PDZD2: variants seen among roughly 807,000 people sequenced by gnomAD.
The protein encoded by PDZD2 is PDZ domain-containing protein 2.
PDZD2 carries 90 observed loss-of-function variants against 220.7 expected under a neutral mutation model. The ratio of observed to expected loss-of-function variants is 0.41; its 90% CI spans 0.34 to 0.49. The LOEUF (loss-of-function observed/expected upper bound fraction) is 0.49, where lower values mean the gene tolerates loss of function less well. Ranked by LOEUF, PDZD2 falls within the 20% of genes least tolerant of loss-of-function variation. The pLI, the probability that PDZD2 is intolerant of heterozygous loss-of-function variation, is 0.28. For missense variants in PDZD2, 3,174 were observed against 3,608.5 expected (o/e 0.88, Z 3.08); for synonymous variants, 1,375 against 1,450.5 (o/e 0.95, Z 1.18).
chr5:31,663,261 T>C (rs1165903160), intron 1 of PDZD2, among the ~76,000 whole-genome samples: 1 of 152,208 alleles, frequency 6.6e-6, no homozygotes, highest in African/African-American at 2.4e-5. Context: ...TTCCTCCAAC[T>C]TTAGAGATTG....
intron 2 of PDZD2, among the ~76,000 whole-genome samples, chr5:31,977,472 G>T (rs1177868932): frequency 6.6e-6 from 1 of 152,016 alleles, no homozygotes; most frequent in Non-Finnish European, 1.5e-5. Flanking sequence ...TAAACTCCAG[G>T]CAGCTTTATT....
intron 1 of PDZD2, among the ~76,000 whole-genome samples, chr5:31,664,430 A>C (rs1745899432): frequency 6.6e-6 from 1 of 151,758 alleles, no homozygotes; most frequent in Non-Finnish European, 1.5e-5. Context: ...ACTCATACAC[A>C]GACACATGCG....
At chr5:32,085,127 G>A (rs1332405321) in intron 19 of PDZD2, among the ~76,000 whole-genome samples, 1 of 151,320 alleles carries the variant, frequency 6.6e-6, no homozygotes, top group Non-Finnish European at 1.5e-5. Context: ...GTTAATTTTT[G>A]TATTTTTCGT....
At chr5:31,772,590 A>C (rs1362450645) in intron 1 of PDZD2, among the ~76,000 whole-genome samples, 1 of 150,202 alleles carries the variant, frequency 6.7e-6, no homozygotes, top group Non-Finnish European at 1.5e-5. Context: ...TGGCACCTCA[A>C]CTCCAACCAC....
rs778339961 is a variant in PDZD2 at position 32,088,973 on chromosome 5, A to G, written c.5525A>G (p.Lys1842Arg). The G allele has an allele frequency of 1.9e-6, 3 of 1,614,052 alleles. No homozygotes were observed. The highest frequency in any genetic ancestry group is 2.5e-6 in the Non-Finnish European group (3 of 1,180,022). Residue 1842 changes from lysine to arginine, a missense_variant, in exon 20 of 25, where the codon AAA becomes AGA. Physicochemically the swap from Lys to Arg is conservative, Grantham distance 26. This residue lies in a region of PDZD2 where 1,861 missense variants were observed against 2,001.0 expected (regional missense o/e 0.93). Transcript: ENST00000438447. This position sits in a 1 kb window ranked among gnomAD's most constrained non-coding sequence, Gnocchi z 4.6. ...ATTCAGATGGTGAGTTCAAGCCAAAAAAAGGGCGTTACTGTGCCTCATAGC... is the reference window on the plus strand; with the variant it reads ...ATTCAGATGGTGAGTTCAAGCCAAAGAAAGGGCGTTACTGTGCCTCATAGC... ...SKIQMVSSSQ[K>R]KGVTVPHSPP...
intron 2 of PDZD2, among the ~76,000 whole-genome samples, chr5:31,862,731 TTA>T (rs920095988): frequency 1.3e-5 from 2 of 151,980 alleles, no homozygotes; most frequent in East Asian, 1.9e-4. Context: ...CAGCTAATTT[TTA>T]TATTTTTTTT....
At chr5:31,758,677 G>C (rs1374834970) in intron 1 of PDZD2, among the ~76,000 whole-genome samples, 1 of 152,158 alleles carries the variant, frequency 6.6e-6, no homozygotes, top group East Asian at 1.9e-4. Flanking sequence ...CCCAAGATGT[G>C]TTCCTTGGAA....
intron 17 of PDZD2, 102 bp from the exon 18 acceptor site, chr5:32,073,730 T>C (rs1190945159): frequency 5.2e-6 from 4 of 767,352 alleles, no homozygotes; most frequent in Non-Finnish European, 6.6e-6. Context: ...CTGGTGTTAG[T>C]GAATGTGGAA....
At chr5:31,788,534 G>A (rs190118335) in intron 1 of PDZD2, among the ~76,000 whole-genome samples, 2,415 of 152,002 alleles carry the variant, frequency 0.016, 30 homozygotes, top group Middle Eastern at 0.034. Flanking sequence ...GTGTGGTGGC[G>A]GGCGCCTGTA....
intron 6 of PDZD2, 120 bp downstream of exon 6, chr5:32,010,602 C>T (rs1213692326): frequency 1.3e-6 from 1 of 760,238 alleles, no homozygotes; most frequent in Non-Finnish European, 2.4e-6. Context: ...GGAAAAGACA[C>T]CAGTGCATTC....
chr5:31,705,533 A>G (rs1191850400), intron 1 of PDZD2, among the ~76,000 whole-genome samples: 1 of 152,200 alleles, frequency 6.6e-6, no homozygotes, highest in Non-Finnish European at 1.5e-5. Context: ...CATCTAATTT[A>G]TTTCTTACAG....
intron 1 of PDZD2, among the ~76,000 whole-genome samples, chr5:31,732,435 A>G (rs1018483403): frequency 2.0e-5 from 3 of 152,166 alleles, no homozygotes; most frequent in African/African-American, 7.2e-5. Context: ...CTCAGATGCA[A>G]AGACCGGCAC....
chr5:31,865,242 A>G (rs887878238), intron 2 of PDZD2, among the ~76,000 whole-genome samples: 3 of 152,122 alleles, frequency 2.0e-5, no homozygotes, highest in African/African-American at 4.8e-5. Context: ...TCTCCCTCCA[A>G]TGTCTTACAC....
At position 32,089,234 on chromosome 5, in the gene PDZD2, A is replaced by G; in HGVS notation, c.5786A>G (p.Lys1929Arg). ...CAGACCTCCCACAAAACACTTTCTA[A>G]GGCAGTGTCACAGCGGCTCCATGTA... ...SPQTSHKTLS[K>R]AVSQRLHVAD... The change falls in exon 20 of 25, where the codon AAG becomes AGG. Residue 1929 changes from lysine to arginine, a missense_variant. By Grantham distance (26) the Lys-to-Arg change is conservative (BLOSUM62 2). Around this residue, in one of 4 missense-constraint regions of PDZD2, gnomAD observed 1,861 missense variants for 2,001.0 expected, o/e 0.93. Coordinates refer to ENST00000438447, the MANE Select transcript of PDZD2 (RefSeq NM_178140.4). The G allele has an allele frequency of 6.2e-7, 1 of 1,614,182 alleles. No homozygotes were observed. Among genetic ancestry groups the G allele is most frequent in the East Asian group, 2.2e-5 (1 of 44,882 alleles).
intron 1 of PDZD2, among the ~76,000 whole-genome samples, chr5:31,796,545 A>G (rs1408279575): frequency 6.6e-6 from 1 of 152,178 alleles, no homozygotes; most frequent in South Asian, 2.1e-4. Context: ...GAGTCGCAGT[A>G]CTGAGGTCTC....
intron 2 of PDZD2, among the ~76,000 whole-genome samples, chr5:31,913,342 G>GA (rs11422444): frequency 0.67 from 98,444 of 146,056 alleles, 33,910 homozygotes; most frequent in East Asian, 0.96. Context: ...CTTCCTTGGG[G>GA]AAAAAAAAAA....
intron 7 of PDZD2, among the ~76,000 whole-genome samples, chr5:32,046,481 G>A (rs566281912): frequency 4.6e-5 from 7 of 152,246 alleles, no homozygotes; most frequent in African/African-American, 1.7e-4. Flanking sequence ...GAGCTCAGGC[G>A]ATCGGCCCAC....
At chr5:32,039,176 G>A (rs1006584511) in intron 7 of PDZD2, among the ~76,000 whole-genome samples, 1 of 149,712 alleles carries the variant, frequency 6.7e-6, no homozygotes, top group Non-Finnish European at 1.5e-5. Context: ...CATGATCTCG[G>A]CTCGCTGCAA....
chr5:31,870,363 G>A (rs189489405), intron 2 of PDZD2, among the ~76,000 whole-genome samples: 13 of 152,228 alleles, frequency 8.5e-5, no homozygotes, highest in Admixed American at 2.0e-4. Flanking sequence ...CTGTGGGAGC[G>A]TCTTGCAATT....
Sources: allele counts gnomAD v4.1 joint callset (sites outside exome capture counted in the v4.1 genomes callset), GRCh38; gene constraint gnomAD v4.1.1; regional missense constraint gnomAD v4.1.1; non-coding constraint Gnocchi (gnomAD v3.1); transcripts MANE v1.5; gene names NCBI Gene and HGNC (gene_info 2026-07-23, HGNC 2026-07-21).